The following SLC35F3 variants were observed in gnomAD, a reference collection of about 807,000 sequenced individuals.
The protein encoded by SLC35F3 is putative thiamine transporter SLC35F3.
SLC35F3 carries 25 observed loss-of-function variants against 49.9 expected under a neutral mutation model. The observed-to-expected ratio is 0.50, with a 90% CI of 0.37 to 0.70. SLC35F3 has a LOEUF of 0.70. SLC35F3 is among the 30% of genes least tolerant of loss of function. The pLI is 0.00. For synonymous variants in SLC35F3, 275 were observed against 265.4 expected (o/e 1.04, Z -0.35); for missense variants, 525 against 639.8 (o/e 0.82, Z 1.94).
chr1:234,266,873 G>GTTTTTTTTTTTTTTTT (rs34040004), intron 3 of SLC35F3, among the ~76,000 whole-genome samples: 2 of 108,646 alleles, frequency 1.8e-5, no homozygotes. Flanking sequence ...GAAGCACATG[G>GTTTTTTTTTTTTTTTT]TTTTTTTTTT....
At chr1:234,030,845 G>T (rs1228569697) in intron 2 of SLC35F3, among the ~76,000 whole-genome samples, 1 of 152,170 alleles carries the variant, frequency 6.6e-6, no homozygotes, top group African/African-American at 2.4e-5. Flanking sequence ...GAGAAAAGAT[G>T]ATTCTAACAG....
intron 3 of SLC35F3, among the ~76,000 whole-genome samples, chr1:234,250,135 T>C (rs1424287983): frequency 1.3e-5 from 2 of 152,226 alleles, no homozygotes; most frequent in Non-Finnish European, 2.9e-5. Flanking sequence ...AAGCACATTT[T>C]TGAAGATACT....
chr1:234,309,028 ACTTGCT>A, intron 3 of SLC35F3, 67 bp from the exon 4 acceptor site: 8 of 1,290,692 alleles, frequency 6.2e-6, no homozygotes, highest in South Asian at 1.4e-5. Flanking sequence ...AAAAAAAAAA[ACTTGCT>A]ATAGGAAATA....
chr1:234,316,153 T>C (rs1200094347), intron 4 of SLC35F3, among the ~76,000 whole-genome samples: 21 of 152,200 alleles, frequency 1.4e-4, no homozygotes, highest in Admixed American at 1.4e-3. Flanking sequence ...GTGGCTTCCC[T>C]GTTGAGATAT....
chr1:234,219,722 G>A (rs530518532), intron 2 of SLC35F3, among the ~76,000 whole-genome samples: 5 of 152,306 alleles, frequency 3.3e-5, no homozygotes, highest in African/African-American at 1.2e-4. Flanking sequence ...TGATCTGACA[G>A]GATACTCTTT....
chr1:234,046,603 G>A lies in SLC35F3; in HGVS notation c.283+140845G>A, dbSNP rs1664295038. 6.6e-6 allele frequency among the ~76,000 whole-genome samples: 1 copy of A among 151,990 alleles called. No individual in the cohort carries two copies. Among genetic ancestry groups the A allele is most frequent in the Non-Finnish European group, 1.5e-5 (1 of 67,962 alleles). On this transcript the variant is annotated intron_variant, in intron 2 of 7. Coordinates refer to ENST00000366618, the MANE Select transcript of SLC35F3 (RefSeq NM_173508.4). This position sits in a 1 kb window ranked among gnomAD's most constrained non-coding sequence, Gnocchi z 4.4. The stretch of plus-strand genomic sequence containing the variant: ...TTTGTTTGTGCAAGTTAATATTTAT[G>A]AATGATTTTACTCATGGTTTATACT...
chr1:234,176,750 A>C (rs979961627), intron 2 of SLC35F3, among the ~76,000 whole-genome samples: 1 of 152,200 alleles, frequency 6.6e-6, no homozygotes, highest in Non-Finnish European at 1.5e-5. Flanking sequence ...AGACAGACTG[A>C]ACTTGAACAT....
chr1:234,321,043 C>A (rs546791549), intron 7 of SLC35F3, among the ~76,000 whole-genome samples: 1 of 140,470 alleles, frequency 7.1e-6, no homozygotes, highest in African/African-American at 2.5e-5. Context: ...GATTGCCCCC[C>A]CCCCACCCCA....
In SLC35F3 at chr1:233,905,152, G is replaced by A. The variant is rs78485515; in HGVS notation, c.53+22G>A. On this transcript the variant is annotated intron_variant, in intron 1 of 7. Transcript: ENST00000366618. ...CCGTGTGAGTAGCGCCCCGGGCGTGGGTGAGCGAGCCGGCGGGCGGGAGGC... is the reference window on the plus strand; with the variant it reads ...CCGTGTGAGTAGCGCCCCGGGCGTGAGTGAGCGAGCCGGCGGGCGGGAGGC... 71,958 of 1,550,928 alleles carry A rather than the reference G, an allele frequency of 0.046. 2,232 individuals are homozygous for A. The highest frequency in any genetic ancestry group is 0.15 in the East Asian group (6,322 of 41,060).
At chr1:234,132,919 C>T (rs969365642) in intron 2 of SLC35F3, among the ~76,000 whole-genome samples, 1 of 152,216 alleles carries the variant, frequency 6.6e-6, no homozygotes, top group Admixed American at 6.5e-5. Context: ...AGTGCTGACT[C>T]TGTGCTGGAC....
intron 3 of SLC35F3, among the ~76,000 whole-genome samples, chr1:234,293,066 G>A (rs1035719547): frequency 2.6e-5 from 4 of 152,154 alleles, no homozygotes; most frequent in African/African-American, 9.7e-5. Context: ...AAGGGCACTC[G>A]AGCAAGATCC....
At position 234,231,833 on chromosome 1, in the gene SLC35F3, G is replaced by A. The variant is rs1667383607; in HGVS notation, c.608+92G>A. The A allele has an allele frequency of 5.5e-6, 7 of 1,278,166 alleles. No homozygotes were observed. Among genetic ancestry groups the A allele is most frequent in the Non-Finnish European group, 6.6e-6 (6 of 912,286 alleles). 79.2% of individuals were successfully genotyped at this position (1,278,166 alleles called of 1,614,324 possible). ...AGCTGCCCCTGGTGGCAGGCGCTGG[G>A]ATGAGCCGGTGGGAGCCCGTGGAGA... On this transcript the variant is annotated intron_variant, in intron 3 of 7. Coordinates refer to ENST00000366618, the MANE Select transcript of SLC35F3 (RefSeq NM_173508.4). The surrounding 1 kb of genome is among the most constrained non-coding windows in gnomAD (Gnocchi z 5.4).
At chr1:234,201,381 GT>G (rs1193825726) in intron 2 of SLC35F3, among the ~76,000 whole-genome samples, 1 of 152,150 alleles carries the variant, frequency 6.6e-6, no homozygotes, top group Non-Finnish European at 1.5e-5. Flanking sequence ...TCCATGGGTG[GT>G]CGAGTAAAGT....
intron 2 of SLC35F3, among the ~76,000 whole-genome samples, chr1:234,202,951 G>A (rs1436241016): frequency 2.0e-5 from 3 of 152,164 alleles, no homozygotes; most frequent in African/African-American, 7.2e-5. Context: ...GGGCACCTGG[G>A]TGGAAGAGCA....
chr1:234,280,296 C>T (rs1668302362), intron 3 of SLC35F3, among the ~76,000 whole-genome samples: 2 of 152,258 alleles, frequency 1.3e-5, no homozygotes, highest in South Asian at 4.1e-4. Flanking sequence ...ACTTTGTCTT[C>T]TCCTTATTCT....
Position 234,000,394 on chromosome 1 carries a change from A to G in SLC35F3, c.283+94636A>G, listed in dbSNP as rs143995227. ...TTTACCTTTGTTCCCAATTTTACGC[A>G]ATGGCAGGGGACACATTGCTGACTA... On this transcript the variant is annotated intron_variant, in intron 2 of 7. Transcript: ENST00000366618. Among the ~76,000 whole-genome samples the G allele has an allele frequency of 1.6e-3, 250 of 152,328 alleles. 2 individuals are homozygous for G. Among genetic ancestry groups the G allele is most frequent in the African/African-American group, 5.7e-3 (236 of 41,586 alleles).
At chr1:234,238,765 A>C (rs1667512426) in intron 3 of SLC35F3, among the ~76,000 whole-genome samples, 1 of 152,166 alleles carries the variant, frequency 6.6e-6, no homozygotes, top group East Asian at 1.9e-4. Flanking sequence ...GAACATTTTC[A>C]TTACCTCTTG....
At chr1:234,003,814 C>A (rs558399365) in intron 2 of SLC35F3, among the ~76,000 whole-genome samples, 4 of 152,146 alleles carry the variant, frequency 2.6e-5, no homozygotes, top group African/African-American at 9.6e-5. Flanking sequence ...GCATTCGGTT[C>A]ACAAAAAAAG....
rs869146212 is a variant in SLC35F3, at chr1:234,146,481, CTTT to C, written c.284-84914_284-84912del. Among the ~76,000 whole-genome samples the C allele has an allele frequency of 1.6e-4, 12 of 74,040 alleles. No individual in the cohort carries two copies. In the East Asian group the frequency reaches 3.5e-3, roughly 22 times the overall value. 48.6% of individuals were successfully genotyped at this position (74,040 alleles called of 152,430 possible). ...AATAAAAGTTACCAAGATATTTGCTCTTTTTTTTTTTTTTTTTTTTTTTTCTGG... is the reference window on the plus strand; with the variant it reads ...AATAAAAGTTACCAAGATATTTGCTCTTTTTTTTTTTTTTTTTTTTTCTGG... On this transcript the variant is annotated intron_variant, in intron 2 of 7. Coordinates refer to ENST00000366618, the MANE Select transcript of SLC35F3 (RefSeq NM_173508.4).
Sources: allele counts gnomAD v4.1 joint callset (sites outside exome capture counted in the v4.1 genomes callset), GRCh38; gene constraint gnomAD v4.1.1; non-coding constraint Gnocchi (gnomAD v3.1); transcripts MANE v1.5; gene names NCBI Gene and HGNC (gene_info 2026-07-23, HGNC 2026-07-21).